NCKAP5: variants seen among roughly 807,000 people sequenced by gnomAD.
The protein encoded by NCKAP5 is NCK associated protein 5.
In NCKAP5, 92 loss-of-function variants were observed where a neutral mutation model predicts 167.0. That is an observed-to-expected ratio of 0.55 (90% CI 0.47 to 0.66). The LOEUF is 0.66. Ranked by LOEUF, NCKAP5 falls within the 30% of genes least tolerant of loss-of-function variation. The probability of loss-of-function intolerance (pLI) is 0.00; values close to 1 mark genes in which losing one functional copy is unlikely to be tolerated. For synonymous variants in NCKAP5, 891 were observed against 877.4 expected (o/e 1.02, Z -0.27); for missense variants, 2,378 against 2,315.0 (o/e 1.03, Z -0.56).
chr2:133,260,529 T>C (rs1234015338), intron 4 of NCKAP5, among the ~76,000 whole-genome samples: 3 of 152,166 alleles, frequency 2.0e-5, no homozygotes, highest in Non-Finnish European at 2.9e-5. Context: ...ACATGATTCT[T>C]CTCCCATGTC....
intron 7 of NCKAP5, 53 bp from the exon 8 acceptor site, chr2:132,963,922 T>A: frequency 3.1e-6 from 5 of 1,597,114 alleles, no homozygotes; most frequent in South Asian, 1.1e-5. Flanking sequence ...AAAATAAGCA[T>A]GAGTGTGAGG....
chr2:133,358,745 T>C (rs868195548), intron 3 of NCKAP5, among the ~76,000 whole-genome samples: 5 of 152,162 alleles, frequency 3.3e-5, no homozygotes, highest in African/African-American at 1.2e-4. Context: ...AATTATAGAG[T>C]AGTAACACTA....
intron 3 of NCKAP5, among the ~76,000 whole-genome samples, chr2:133,342,186 G>T (rs946109546): frequency 2.6e-5 from 4 of 152,102 alleles, no homozygotes; most frequent in African/African-American, 4.8e-5. Flanking sequence ...TGATCCGCCC[G>T]CCTCGGCCTC....
chr2:132,848,815 C>T (rs35975111), intron 11 of NCKAP5, among the ~76,000 whole-genome samples: 14 of 152,180 alleles, frequency 9.2e-5, no homozygotes, highest in African/African-American at 2.9e-4. Context: ...GCCTGGGCAA[C>T]ATAGTGAGAC....
chr2:133,185,872 G>A (rs2084925668), intron 5 of NCKAP5, among the ~76,000 whole-genome samples: 2 of 151,980 alleles, frequency 1.3e-5, no homozygotes, highest in African/African-American at 4.8e-5. Flanking sequence ...GAATCTTTAG[G>A]GCTTTCTAGG....
At chr2:133,299,746 T>C (rs900688005) in intron 4 of NCKAP5, among the ~76,000 whole-genome samples, 1 of 152,184 alleles carries the variant, frequency 6.6e-6, no homozygotes, top group African/African-American at 2.4e-5. Flanking sequence ...AGCAAATCTC[T>C]GTCTCAGTCA....
chr2:133,142,049 G>T (rs1274051295), intron 5 of NCKAP5, among the ~76,000 whole-genome samples: 1 of 152,144 alleles, frequency 6.6e-6, no homozygotes, highest in Non-Finnish European at 1.5e-5. Context: ...TAGAGATTGT[G>T]TTATTTCTGG....
At chr2:133,511,009 A>C (rs554141997) in intron 3 of NCKAP5, among the ~76,000 whole-genome samples, 1 of 152,320 alleles carries the variant, frequency 6.6e-6, no homozygotes, top group South Asian at 2.1e-4. Context: ...TTCAGCTACT[A>C]TTACTAAGGG....
intron 3 of NCKAP5, chr2:133,391,167 G>C (rs1039857313): frequency 1.3e-5 from 2 of 152,240 alleles, no homozygotes; most frequent in Non-Finnish European, 2.9e-5. Flanking sequence ...AATCTTGGGA[G>C]CTTGTTTGGA....
intron 6 of NCKAP5, among the ~76,000 whole-genome samples, chr2:133,045,289 T>C (rs565995872): frequency 2.8e-4 from 43 of 152,174 alleles, no homozygotes; most frequent in African/African-American, 8.9e-4. Context: ...ATACAGTATG[T>C]TATCAGTTTA....
At chr2:133,099,904 T>C (rs1471098202) in intron 6 of NCKAP5, among the ~76,000 whole-genome samples, 5 of 152,228 alleles carry the variant, frequency 3.3e-5, no homozygotes, top group Non-Finnish European at 7.3e-5. Context: ...CTATTGTCTA[T>C]GGCTACTTTT....
intron 9 of NCKAP5, among the ~76,000 whole-genome samples, chr2:132,877,780 G>C (rs1691397395): frequency 6.6e-6 from 1 of 152,168 alleles, no homozygotes; most frequent in African/African-American, 2.4e-5. Flanking sequence ...GAGGGGAATG[G>C]AGAGGGTAAG....
At chr2:132,842,200 T>C (rs1469819179) in intron 11 of NCKAP5, among the ~76,000 whole-genome samples, 1 of 152,156 alleles carries the variant, frequency 6.6e-6, no homozygotes, top group African/African-American at 2.4e-5. Flanking sequence ...TAGGCAATAA[T>C]TTATTTCCAA....
chr2:133,623,139 C>G, the NCKAP5 span, among the ~76,000 whole-genome samples: 1 of 152,140 alleles, frequency 6.6e-6, no homozygotes, highest in East Asian at 1.9e-4. Context: ...TCACCTTATA[C>G]AAAAATCAAC....
chr2:132,777,224 C>T (rs1682629266), intron 15 of NCKAP5, among the ~76,000 whole-genome samples: 1 of 152,304 alleles, frequency 6.6e-6, no homozygotes, highest in Middle Eastern at 3.4e-3. Context: ...CTACTCCAAA[C>T]ACCAGTCTGC....
intron 4 of NCKAP5, among the ~76,000 whole-genome samples, chr2:133,279,052 A>T (rs868858119): frequency 6.6e-6 from 1 of 152,238 alleles, no homozygotes; most frequent in South Asian, 2.1e-4. Flanking sequence ...AGTCTTATAC[A>T]TTGCTGGTAG....
At chr2:133,340,290 T>C (rs1033622343) in intron 3 of NCKAP5, among the ~76,000 whole-genome samples, 5 of 152,182 alleles carry the variant, frequency 3.3e-5, no homozygotes, top group African/African-American at 1.2e-4. Context: ...AGCTCTCATT[T>C]TAGTAATGAA....
At chr2:133,113,799 C>T (rs2081991084) in intron 6 of NCKAP5, among the ~76,000 whole-genome samples, 1 of 152,168 alleles carries the variant, frequency 6.6e-6, no homozygotes, top group African/African-American at 2.4e-5. Flanking sequence ...CACACATGTG[C>T]ACCCCAGGCC....
intron 6 of NCKAP5, chr2:133,116,893 G>A (rs1331588632): frequency 6.6e-6 from 1 of 152,154 alleles, no homozygotes; most frequent in Non-Finnish European, 1.5e-5. Flanking sequence ...TTTGTTTAAA[G>A]CATGTAGAAA....
Sources: allele counts gnomAD v4.1 joint callset (sites outside exome capture counted in the v4.1 genomes callset), GRCh38; gene constraint gnomAD v4.1.1; transcripts MANE v1.5; gene names NCBI Gene and HGNC (gene_info 2026-07-23, HGNC 2026-07-21).